The following SYT2 variants were observed in gnomAD, a reference collection of about 807,000 sequenced individuals.
The protein encoded by SYT2 is synaptotagmin-2.
In SYT2, 15 loss-of-function variants were observed where a neutral mutation model predicts 39.9. That is an observed-to-expected ratio of 0.38 (90% confidence interval 0.25 to 0.58). SYT2 has a LOEUF of 0.58. SYT2 is among the 20% of genes least tolerant of loss of function. The probability of loss-of-function intolerance (pLI) is 0.70; values close to 1 mark genes in which losing one functional copy is unlikely to be tolerated. For missense variants in SYT2, 389 were observed against 530.3 expected, an observed-to-expected ratio of 0.73 and a Z score of 2.62; for synonymous variants, 181 against 204.5, an observed-to-expected ratio of 0.89 and a Z score of 0.98.
Position 202,596,319 on chromosome 1 carries a change from ACACACACACACACACACG to A in SYT2, c.*420_*437del. 1 of 174,250 alleles carries A rather than the reference ACACACACACACACACACG, an allele frequency of 5.7e-6. No homozygotes were observed. The highest frequency in any genetic ancestry group is 1.1e-4 in the South Asian group (1 of 8,730). 10.8% of individuals were successfully genotyped at this position (174,250 alleles called of 1,614,324 possible). ...CACACACACACACATACACACACAC[ACACACACACACACACACG>A]ATCATTGGCCACTGTGATGCCTTCC... On this transcript the variant is annotated 3_prime_UTR_variant, in exon 9 of 9. Coordinates refer to ENST00000367268, the MANE Select transcript of SYT2 (RefSeq NM_177402.5).
At chr1:202,672,078 A>G (rs868634821) in intron 1 of SYT2, among the ~76,000 whole-genome samples, 2 of 152,214 alleles carry the variant, frequency 1.3e-5, no homozygotes, top group Non-Finnish European at 2.9e-5. Flanking sequence ...ACTGATTATA[A>G]AACAACTATG....
chr1:202,661,923 C>T (rs1692390045), intron 1 of SYT2, among the ~76,000 whole-genome samples: 1 of 152,182 alleles, frequency 6.6e-6, no homozygotes, highest in South Asian at 2.1e-4. Context: ...TGAGAGTCCA[C>T]CAGGTACCAG....
intron 1 of SYT2, among the ~76,000 whole-genome samples, chr1:202,694,636 A>AG (rs1208387099): frequency 6.6e-6 from 1 of 152,102 alleles, no homozygotes; most frequent in African/African-American, 2.4e-5. Flanking sequence ...TGATAAAGGA[A>AG]GGGGTTCCGC....
intron 1 of SYT2, among the ~76,000 whole-genome samples, chr1:202,677,753 C>T (rs552210050): frequency 5.9e-5 from 9 of 152,162 alleles, no homozygotes; most frequent in South Asian, 4.2e-4. Context: ...CAGGTAAACC[C>T]GACACTATAT....
rs1690499415 is a variant in SYT2 at position 202,601,398 on chromosome 1, A to AGAAT, written c.801+488_801+491dup. ...GACAAATGATTGATGCCCAGAAGGA[A>AGAAT]GAATGGCTAAAATGGAGTTTTAGGT... is the stretch of plus-strand genomic sequence containing the variant. On this transcript the variant is annotated intron_variant, in intron 6 of 8. Transcript: ENST00000367268. The surrounding 1 kb of genome is among the most constrained non-coding windows in gnomAD (Gnocchi z 4.0). Among the ~76,000 whole-genome samples the AGAAT allele has an allele frequency of 6.6e-6, 1 of 152,250 alleles. No individual in the cohort carries two copies.
In SYT2 at chr1:202,628,679, CA is replaced by C. The variant is rs1691486943; in HGVS notation, c.-17-22891del. On this transcript the variant is annotated intron_variant, in intron 1 of 8. Transcript: ENST00000367268. This position sits in a 1 kb window ranked among gnomAD's most constrained non-coding sequence, Gnocchi z 4.2. Reference sequence around the variant, plus strand: ...GGCCAGGAGGGATGAACCATGGCCTCAAAACACCCATGGGCTGGAGGAGGGG... The same window carrying C: ...GGCCAGGAGGGATGAACCATGGCCTCAAACACCCATGGGCTGGAGGAGGGG... 6.6e-6 allele frequency among the ~76,000 whole-genome samples: 1 copy of C among 152,180 alleles called. No individual in the cohort carries two copies. Among genetic ancestry groups the C allele is most frequent in the African/African-American group, 2.4e-5 (1 of 41,442 alleles).
chr1:202,644,445 G>C (rs1692030729), intron 1 of SYT2, among the ~76,000 whole-genome samples: 1 of 150,890 alleles, frequency 6.6e-6, no homozygotes, highest in Non-Finnish European at 1.5e-5. Context: ...GTCACCCTTG[G>C]GCCTCACCCT....
At chr1:202,645,248 T>A (rs1043950001) in intron 1 of SYT2, among the ~76,000 whole-genome samples, 16 of 152,172 alleles carry the variant, frequency 1.1e-4, no homozygotes, top group African/African-American at 3.9e-4. Context: ...TACCCCCACC[T>A]CGTCATCCCA....
rs533302747 is a variant in SYT2 at position 202,641,531 on chromosome 1, G to A, written c.-17-35742C>T. Among the ~76,000 whole-genome samples the A allele has an allele frequency of 1.1e-3, 164 of 152,314 alleles. 3 individuals are homozygous for A. Among genetic ancestry groups the A allele is most frequent in the Admixed American group, 1.0e-2 (153 of 15,306 alleles). ...TCTTGTCTCAAACTGGGACTCGTCC[G>A]CAACACCCTAATGCCCAGTAAGAAG... On this transcript the variant is annotated intron_variant, in intron 1 of 8. Coordinates refer to ENST00000367268, the MANE Select transcript of SYT2 (RefSeq NM_177402.5).
intron 1 of SYT2, among the ~76,000 whole-genome samples, chr1:202,665,954 C>A (rs1692474251): frequency 6.6e-6 from 1 of 152,058 alleles, no homozygotes. Flanking sequence ...GAGATCGAGA[C>A]CATCCTGGCT....
chr1:202,643,622 G>C (rs12041347), intron 1 of SYT2, among the ~76,000 whole-genome samples: 7,312 of 151,856 alleles, frequency 0.048, 286 homozygotes, highest in African/African-American at 0.11. Flanking sequence ...CCCGCTGCTG[G>C]GGAGGCTGCC....
chr1:202,640,798 C>CAGACAGAG (rs1377198677), intron 1 of SYT2, among the ~76,000 whole-genome samples: 10 of 93,726 alleles, frequency 1.1e-4, no homozygotes, highest in African/African-American at 2.9e-4. Context: ...GAGAGACAGA[C>CAGACAGAG]AGACAGAGAG....
chr1:202,692,694 TAC>T (rs1653867745), intron 1 of SYT2, among the ~76,000 whole-genome samples: 1 of 152,222 alleles, frequency 6.6e-6, no homozygotes, highest in African/African-American at 2.4e-5. Flanking sequence ...GCTAAGATGT[TAC>T]AGTCAGTAAA....
chr1:202,613,403 TTGTGTGTGTGTGCA>T (rs778030220), intron 1 of SYT2, among the ~76,000 whole-genome samples: 204 of 152,036 alleles, frequency 1.3e-3, no homozygotes, highest in Non-Finnish European at 1.9e-3. Context: ...TTCTAATAAT[TTGTGTGTGTGTGCA>T]TGTGTGTGTG....
chr1:202,669,526 G>A (rs1692542207), intron 1 of SYT2, among the ~76,000 whole-genome samples: 1 of 151,708 alleles, frequency 6.6e-6, no homozygotes, highest in Admixed American at 6.6e-5. Flanking sequence ...CTGGGAGGGG[G>A]AGGTTGCAGT....
At chr1:202,671,830 GC>G (rs1210526013) in intron 1 of SYT2, among the ~76,000 whole-genome samples, 6 of 152,126 alleles carry the variant, frequency 3.9e-5, no homozygotes, top group Non-Finnish European at 8.8e-5. Flanking sequence ...CCCTAAGAAT[GC>G]CCCCAGGCAC....
chr1:202,654,936 A>G (rs1423784788), intron 1 of SYT2, among the ~76,000 whole-genome samples: 2 of 152,176 alleles, frequency 1.3e-5, no homozygotes, highest in Non-Finnish European at 2.9e-5. Flanking sequence ...AAGAAGAGAA[A>G]AAAGTGACTG....
intron 1 of SYT2, chr1:202,630,510 C>T (rs936520551): frequency 2.9e-5 from 16 of 549,076 alleles, no homozygotes; most frequent in Admixed American, 6.3e-5. Flanking sequence ...ATGGGGTGGG[C>T]TTGGAAGAGG....
chr1:202,681,656 T>G (rs1157117673), intron 1 of SYT2, among the ~76,000 whole-genome samples: 2 of 152,138 alleles, frequency 1.3e-5, no homozygotes, highest in African/African-American at 4.8e-5. Context: ...AGGGATGTTG[T>G]CCTCTGGGTA....
Sources: allele counts gnomAD v4.1 joint callset (sites outside exome capture counted in the v4.1 genomes callset), GRCh38; gene constraint gnomAD v4.1.1; non-coding constraint Gnocchi (gnomAD v3.1); transcripts MANE v1.5; gene names NCBI Gene and HGNC (gene_info 2026-07-23, HGNC 2026-07-21).